Variants in VPS13B observed in about 807,000 individuals in gnomAD.
VPS13B encodes vacuolar protein sorting 13 homolog B.
A neutral mutation model predicts 426.4 loss-of-function variants in VPS13B; 285 were observed. The observed-to-expected ratio is 0.67, with a 90% CI of 0.61 to 0.74. The LOEUF (loss-of-function observed/expected upper bound fraction) is 0.74. Among genes scored for constraint, VPS13B ranks in the 30% least tolerant of loss-of-function variants. The pLI is 0.00. For missense variants in VPS13B, 4,537 were observed against 4,782.6 expected, an observed-to-expected ratio of 0.95 and a Z score of 1.51; for synonymous variants, 1,676 against 1,676.4, an observed-to-expected ratio of 1.00 and a Z score of 0.01.
chr8:99,279,983 A>G (rs1414630595), intron 19 of VPS13B, among the ~76,000 whole-genome samples: 1 of 152,076 alleles, frequency 6.6e-6, no homozygotes, highest in Non-Finnish European at 1.5e-5. Flanking sequence ...GTTAGCCAGG[A>G]AGGTCTCGAT....
rs11781938 is a variant in VPS13B at position 99,832,856 on chromosome 8, T to C, written c.9614+204T>C. Among the ~76,000 whole-genome samples, 59,510 of 151,950 alleles carry C rather than the reference T, an allele frequency of 0.39. 11,894 individuals carry two copies. The highest frequency in any genetic ancestry group is 0.49 in the Admixed American group (7,552 of 15,262). On this transcript the variant is annotated intron_variant, in intron 52 of 61. Transcript: ENST00000357162. ...CCCAGCATACTACTTAAGGGATTTT[T>C]CCCCATATGGAGCTTACGCTGGGGG...
In VPS13B at chr8:99,363,244, A is replaced by G. The variant is rs76910116; in HGVS notation, c.2825-20964A>G. Among the ~76,000 whole-genome samples, 1,062 of 152,320 alleles carry G rather than the reference A, an allele frequency of 7.0e-3. 6 individuals are homozygous for G. Among genetic ancestry groups the G allele is most frequent in the Non-Finnish European group, 9.6e-3 (655 of 68,018 alleles). ...ATGCCTATGGATATCTAGTTTTCCC[A>G]GCACCATTCATTGAAGAGATTGTCC... On this transcript the variant is annotated intron_variant, in intron 19 of 61. Coordinates refer to ENST00000357162, the MANE Select transcript of VPS13B (RefSeq NM_152564.5).
chr8:99,179,553 T>C (rs1812830966), intron 16 of VPS13B, among the ~76,000 whole-genome samples: 1 of 152,206 alleles, frequency 6.6e-6, no homozygotes, highest in Non-Finnish European at 1.5e-5. Context: ...CTCCAGATGC[T>C]ACTCCAGTTG....
chr8:99,028,201 A>C (rs891585917), intron 2 of VPS13B, among the ~76,000 whole-genome samples: 13 of 151,898 alleles, frequency 8.6e-5, no homozygotes, highest in African/African-American at 3.1e-4. Context: ...CATTGTCATC[A>C]TGACCCATCC....
chr8:99,068,387 A>G (rs1214288502), intron 3 of VPS13B, among the ~76,000 whole-genome samples: 1 of 152,244 alleles, frequency 6.6e-6, no homozygotes, highest in East Asian at 1.9e-4. Context: ...AATTTTTAAT[A>G]AAGACAGATG....
chr8:99,239,546 CTGTT>C (rs1370889060), intron 17 of VPS13B, among the ~76,000 whole-genome samples: 2 of 152,190 alleles, frequency 1.3e-5, no homozygotes, highest in East Asian at 1.9e-4. Flanking sequence ...TTCTAGTAAA[CTGTT>C]TGGTTTTTAA....
chr8:99,278,323 A>G (rs1275729693), intron 19 of VPS13B, among the ~76,000 whole-genome samples: 1 of 152,164 alleles, frequency 6.6e-6, no homozygotes, highest in Non-Finnish European at 1.5e-5. Flanking sequence ...TTTGACTGTG[A>G]TTTGAGAATG....
chr8:99,525,924 G>T (rs1421993128), intron 30 of VPS13B, among the ~76,000 whole-genome samples: 1 of 152,128 alleles, frequency 6.6e-6, no homozygotes, highest in Non-Finnish European at 1.5e-5. Flanking sequence ...GGGTGCCAGG[G>T]GAATTTAGCA....
intron 11 of VPS13B, among the ~76,000 whole-genome samples, 192 bp downstream of exon 11, chr8:99,135,925 A>G (rs899178848): frequency 1.3e-5 from 2 of 152,090 alleles, no homozygotes; most frequent in Non-Finnish European, 2.9e-5. Flanking sequence ...CTTTTATTGA[A>G]TATGTAAACA....
chr8:99,701,956 AT>A (rs533833594), intron 36 of VPS13B, among the ~76,000 whole-genome samples: 1 of 152,062 alleles, frequency 6.6e-6, no homozygotes, highest in African/African-American at 2.4e-5. Flanking sequence ...ATTGCCACAT[AT>A]TTTTTTCAAA....
chr8:99,784,627 G>A (rs2130703390), intron 43 of VPS13B, 151 bp downstream of exon 43: 4 of 1,064,404 alleles, frequency 3.8e-6, no homozygotes, highest in East Asian at 2.5e-5. Flanking sequence ...AGAGTGTTTA[G>A]AGATGGGAGC....
chr8:99,869,005 C>T (rs1231667127), intron 59 of VPS13B, among the ~76,000 whole-genome samples: 1 of 152,246 alleles, frequency 6.6e-6, no homozygotes, highest in African/African-American at 2.4e-5. Context: ...TGGCGCATGG[C>T]AGTACCTGCA....
At chr8:99,829,556 G>A (rs965082265) in intron 51 of VPS13B, among the ~76,000 whole-genome samples, 5 of 152,102 alleles carry the variant, frequency 3.3e-5, no homozygotes, top group Admixed American at 6.6e-5. Context: ...CCTTTAGCTC[G>A]GAGGACTTTG....
chr8:99,135,060 G>T lies in VPS13B; in HGVS notation c.1348G>T (p.Val450Phe). 6.2e-7 allele frequency: 1 copy of T among 1,613,616 alleles called. No homozygotes were observed. The highest frequency in any genetic ancestry group is 8.5e-7 in the Non-Finnish European group (1 of 1,179,672). ...TTTCTTTGATTGCCAGATTGGGTTT[G>T]TTGGTTGCAGAGCCATGTGCCTTAA... ...EPFFDCQIGF[V>F]GCRAMCLKGI... Residue 450 changes from valine to phenylalanine, a missense_variant, in exon 10 of 62, where the codon GTT becomes TTT. Coordinates refer to ENST00000357162, the MANE Select transcript of VPS13B (RefSeq NM_152564.5).
At chr8:99,575,005 A>C (rs1193824944) in intron 31 of VPS13B, among the ~76,000 whole-genome samples, 1 of 152,090 alleles carries the variant, frequency 6.6e-6, no homozygotes, top group Non-Finnish European at 1.5e-5. Context: ...CTCTAGAAAA[A>C]ATAAAAATAA....
intron 57 of VPS13B, among the ~76,000 whole-genome samples, chr8:99,860,307 G>C (rs1016487875): frequency 1.3e-5 from 2 of 152,160 alleles, no homozygotes; most frequent in Non-Finnish European, 2.9e-5. Flanking sequence ...AACAGCCAGA[G>C]TCATAAAAAC....
At chr8:99,859,534 T>G (rs560883403) in intron 57 of VPS13B, 54 bp downstream of exon 57, 6 of 1,603,526 alleles carry the variant, frequency 3.7e-6, no homozygotes, top group Non-Finnish European at 5.1e-6. Context: ...TTTTTTTTTT[T>G]TTTTAAAGAA....
At chr8:99,355,440 A>G (rs556052308) in intron 19 of VPS13B, among the ~76,000 whole-genome samples, 1 of 152,170 alleles carries the variant, frequency 6.6e-6, no homozygotes, top group African/African-American at 2.4e-5. Flanking sequence ...AAAATACACA[A>G]ATTAGCTGGG....
At chr8:99,313,523 C>G (rs1386530710) in intron 19 of VPS13B, among the ~76,000 whole-genome samples, 1 of 152,166 alleles carries the variant, frequency 6.6e-6, no homozygotes, top group African/African-American at 2.4e-5. Flanking sequence ...GATCGTTCCT[C>G]TGGAAGCTTC....
Sources: allele counts gnomAD v4.1 joint callset (sites outside exome capture counted in the v4.1 genomes callset), GRCh38; gene constraint gnomAD v4.1.1; transcripts MANE v1.5; gene names NCBI Gene and HGNC (gene_info 2026-07-23, HGNC 2026-07-21).